The following MEGF10 variants were observed in gnomAD, a reference collection of about 807,000 sequenced individuals.
MEGF10 encodes the protein multiple epidermal growth factor-like domains protein 10.
A neutral mutation model predicts 147.5 loss-of-function variants in MEGF10; 86 were observed. That is an observed-to-expected ratio of 0.58 (90% CI 0.49 to 0.70). The LOEUF (loss-of-function observed/expected upper bound fraction) is 0.70, where lower values mean the gene tolerates loss of function less well. Among genes scored for constraint, MEGF10 ranks in the 30% least tolerant of loss-of-function variants. The probability of loss-of-function intolerance (pLI) is 0.00; values close to 1 mark genes in which losing one functional copy is unlikely to be tolerated. For synonymous variants in MEGF10, 478 were observed against 525.5 expected (o/e 0.91, Z 1.24); for missense variants, 1,329 against 1,487.3 (o/e 0.89, Z 1.75).
At chr5:127,275,818 G>A in the MEGF10 span, among the ~76,000 whole-genome samples, 1 of 152,168 alleles carries the variant, frequency 6.6e-6, no homozygotes, top group Non-Finnish European at 1.5e-5. Context: ...TTGACACCGA[G>A]AGTAGACTGT....
intron 1 of MEGF10, among the ~76,000 whole-genome samples, chr5:127,309,882 G>T (rs896169757): frequency 6.6e-6 from 1 of 151,834 alleles, no homozygotes; most frequent in African/African-American, 2.4e-5. Context: ...TTCTACAGTG[G>T]CTGCTCCATT....
At chr5:127,383,259 T>C (rs916894165) in intron 5 of MEGF10, among the ~76,000 whole-genome samples, 1 of 151,814 alleles carries the variant, frequency 6.6e-6, no homozygotes, top group African/African-American at 2.4e-5. Context: ...TACATAGCAG[T>C]TTATAGTATA....
At chr5:127,235,085 A>G in the MEGF10 span, among the ~76,000 whole-genome samples, 1 of 152,162 alleles carries the variant, frequency 6.6e-6, no homozygotes, top group East Asian at 1.9e-4. Context: ...ACCTCAGGCA[A>G]TCCACCCGCC....
Position 127,396,612 on chromosome 5 carries a change from G to A in MEGF10, c.493G>A (p.Gly165Arg), listed in dbSNP as rs765084824. 1.6e-5 allele frequency: 26 copies of A among 1,612,862 alleles called. No homozygotes were observed. The highest frequency in any genetic ancestry group is 6.7e-5 in the East Asian group (3 of 44,854). The change falls in exon 6 of 25, where the codon GGG (glycine) becomes AGG (arginine). Residue 165 changes from glycine to arginine, a missense_variant. Gly to Arg is a moderately radical substitution (Grantham distance 125). This residue lies in a region of MEGF10 where 980 missense variants were observed against 1,085.9 expected (regional missense o/e 0.90). Coordinates refer to ENST00000503335, the MANE Select transcript of MEGF10 (RefSeq NM_001256545.2). ...KNGALCNPIT[G>R]ACHCAAGFRG... ...TGGGGCTCTGTGCAACCCCATCACC[G>A]GGGCTTGCCACTGTGCTGCGGGCTT...
chr5:127,230,262 C>A, the MEGF10 span, among the ~76,000 whole-genome samples: 5 of 152,206 alleles, frequency 3.3e-5, no homozygotes, highest in African/African-American at 1.2e-4. Context: ...CCCTTCCTAG[C>A]CCCATTGATC....
chr5:127,238,617 C>T, the MEGF10 span, among the ~76,000 whole-genome samples: 6 of 152,176 alleles, frequency 3.9e-5, no homozygotes, highest in Non-Finnish European at 7.3e-5. Flanking sequence ...AGTGGCAGGG[C>T]GGTCTGGCTC....
intron 19 of MEGF10, 135 bp from the exon 20 acceptor site, chr5:127,445,322 T>C (rs1011697885): frequency 3.4e-5 from 24 of 708,072 alleles, no homozygotes; most frequent in Non-Finnish European, 5.7e-5. Flanking sequence ...TTTTTCTTCC[T>C]GCTCTGTTTC....
intron 4 of MEGF10, among the ~76,000 whole-genome samples, chr5:127,343,701 A>G (rs1249929940): frequency 6.6e-6 from 1 of 152,148 alleles, no homozygotes; most frequent in Non-Finnish European, 1.5e-5. Flanking sequence ...CTGTAATCCC[A>G]GCACTTTGGG....
chr5:127,434,635 C>G, intron 14 of MEGF10, 52 bp from the exon 15 acceptor site: 2 of 1,534,528 alleles, frequency 1.3e-6, no homozygotes, highest in Non-Finnish European at 1.8e-6. Context: ...ATCTGGAATG[C>G]GAGACAAACG....
intron 4 of MEGF10, among the ~76,000 whole-genome samples, chr5:127,356,109 A>T (rs765066893): frequency 7.8e-4 from 119 of 152,250 alleles, no homozygotes; most frequent in Non-Finnish European, 1.1e-3. Context: ...AAAGTAATTT[A>T]AAAATAATGG....
chr5:127,339,343 C>T (rs1761590414), intron 3 of MEGF10, 122 bp downstream of exon 3: 6 of 636,242 alleles, frequency 9.4e-6, no homozygotes, highest in Non-Finnish European at 1.6e-5. Flanking sequence ...AGGGCTTGCT[C>T]CTGTCTTATT....
Position 127,418,469 on chromosome 5 carries a change from A to G in MEGF10, c.1306-651A>G, listed in dbSNP as rs1000573688. On this transcript the variant is annotated intron_variant, in intron 10 of 24. Transcript: ENST00000503335. ...GCACATAATGTAGAACTGGTGGATC[A>G]TAAGGTCACAGAGCTGAGAGGATCT... 5.3e-5 allele frequency among the ~76,000 whole-genome samples: 8 copies of G among 152,364 alleles called. 1 individual carries two copies. The highest frequency in any genetic ancestry group is 5.2e-4 in the Admixed American group (8 of 15,304).
At chr5:127,267,028 TG>T in the MEGF10 span, among the ~76,000 whole-genome samples, 2 of 152,260 alleles carry the variant, frequency 1.3e-5, no homozygotes, top group Non-Finnish European at 2.9e-5. Flanking sequence ...TTCCAGTTTT[TG>T]TCCATTCAGT....
chr5:127,420,626 C>G (rs1764961113), intron 12 of MEGF10, among the ~76,000 whole-genome samples: 2 of 151,946 alleles, frequency 1.3e-5, no homozygotes, highest in South Asian at 4.2e-4. Context: ...CATAGAAATG[C>G]TCATGGAAGT....
chr5:127,247,372 A>T, the MEGF10 span, among the ~76,000 whole-genome samples: 1 of 17,242 alleles, frequency 5.8e-5, no homozygotes, highest in Non-Finnish European at 1.0e-4. Context: ...GAAGAAGAAG[A>T]AGAAGAAGAA....
chr5:127,331,099 C>T (rs1430894128), intron 1 of MEGF10, among the ~76,000 whole-genome samples, 192 bp from the exon 2 acceptor site: 1 of 152,134 alleles, frequency 6.6e-6, no homozygotes, highest in Non-Finnish European at 1.5e-5. Flanking sequence ...AAATAGTAGC[C>T]ACCTTGCACA....
At chr5:127,236,486 AAG>A in the MEGF10 span, among the ~76,000 whole-genome samples, 1 of 152,178 alleles carries the variant, frequency 6.6e-6, no homozygotes, top group East Asian at 1.9e-4. Context: ...TGGTCTAGAG[AAG>A]ACACTCCAAA....
At chr5:127,388,118 A>T (rs2126899322) in intron 5 of MEGF10, among the ~76,000 whole-genome samples, 1 of 152,282 alleles carries the variant, frequency 6.6e-6, no homozygotes, top group Non-Finnish European at 1.5e-5. Context: ...TGTTCATAGC[A>T]AGCTTTCTAG....
chr5:127,277,440 A>C, the MEGF10 span, among the ~76,000 whole-genome samples: 6 of 151,998 alleles, frequency 3.9e-5, no homozygotes, highest in African/African-American at 7.3e-5. Flanking sequence ...TACAAGTGTT[A>C]CTCCTGAGAG....
Sources: allele counts gnomAD v4.1 joint callset (sites outside exome capture counted in the v4.1 genomes callset), GRCh38; gene constraint gnomAD v4.1.1; regional missense constraint gnomAD v4.1.1; transcripts MANE v1.5; gene names NCBI Gene and HGNC (gene_info 2026-07-23, HGNC 2026-07-21).